KCNT2: variants seen among roughly 807,000 people sequenced by gnomAD.
KCNT2 encodes potassium sodium-activated channel subfamily T member 2.
In KCNT2, 67 loss-of-function variants were observed where a neutral mutation model predicts 153.8. That is an observed-to-expected ratio of 0.44 (90% CI 0.36 to 0.53). KCNT2 has a LOEUF of 0.53. Among genes scored for constraint, KCNT2 ranks in the 20% least tolerant of loss-of-function variants. KCNT2 has a pLI of 0.00. For synonymous variants in KCNT2, 500 were observed against 458.8 expected (o/e 1.09, Z -1.15); for missense variants, 975 against 1,354.8 (o/e 0.72, Z 4.40).
At chr1:196,434,345 G>C (rs575656202) in intron 8 of KCNT2, among the ~76,000 whole-genome samples, 1 of 152,074 alleles carries the variant, frequency 6.6e-6, no homozygotes, top group African/African-American at 2.4e-5. Flanking sequence ...GCTTTTGCTT[G>C]AGTCTGCATT....
At chr1:196,388,816 T>A (rs1207247386) in intron 13 of KCNT2, among the ~76,000 whole-genome samples, 1 of 151,788 alleles carries the variant, frequency 6.6e-6, no homozygotes, top group Non-Finnish European at 1.5e-5. Context: ...AAATGTTCAC[T>A]TAGCCTATTA....
chr1:196,283,897 G>T (rs929388474), intron 23 of KCNT2, among the ~76,000 whole-genome samples: 1 of 151,778 alleles, frequency 6.6e-6, no homozygotes, highest in Non-Finnish European at 1.5e-5. Context: ...CACAAATGCA[G>T]GTATGTATTG....
rs1553287918 is a variant in KCNT2, at chr1:196,333,839, G to GA, written c.1997+7dup. 2 of 1,538,660 alleles carry GA rather than the reference G, an allele frequency of 1.3e-6. No individual in the cohort carries two copies. The highest frequency in any genetic ancestry group is 2.7e-5 in the African/African-American group (2 of 73,506). On this transcript the variant is annotated splice_region_variant and intron_variant, in intron 17 of 27. Coordinates refer to ENST00000294725, the MANE Select transcript of KCNT2 (RefSeq NM_198503.5). Reference sequence around the variant, plus strand: ...AGTAATCTTACACCTTAGAGTATCTGAACATACTCTAAGTTTGAAGACATT... The same window carrying GA: ...AGTAATCTTACACCTTAGAGTATCTGAAACATACTCTAAGTTTGAAGACATT...
At chr1:196,408,203 T>C (rs1671992516) in intron 12 of KCNT2, among the ~76,000 whole-genome samples, 1 of 151,522 alleles carries the variant, frequency 6.6e-6, no homozygotes. Context: ...ACCTTCTATA[T>C]ATACTGTTTT....
intron 22 of KCNT2, among the ~76,000 whole-genome samples, chr1:196,301,828 CTCCTGGATTCAAGCGAT>C (rs1661210391): frequency 6.6e-6 from 1 of 152,146 alleles, no homozygotes; most frequent in East Asian, 1.9e-4. Flanking sequence ...CACCTTCCAC[CTCCTGGATTCAAGCGAT>C]TCTCATGCCT....
At chr1:196,358,812 T>A (rs1191335355) in intron 14 of KCNT2, among the ~76,000 whole-genome samples, 1 of 151,954 alleles carries the variant, frequency 6.6e-6, no homozygotes, top group African/African-American at 2.4e-5. Context: ...ATTTCTCTCA[T>A]CTCATCCTGC....
chr1:196,383,521 G>A (rs186423026), intron 13 of KCNT2, among the ~76,000 whole-genome samples: 1 of 152,160 alleles, frequency 6.6e-6, no homozygotes, highest in East Asian at 1.9e-4. Flanking sequence ...TTGATGAGGT[G>A]GAAGGAGAGT....
intron 12 of KCNT2, among the ~76,000 whole-genome samples, chr1:196,415,106 A>G (rs1232308658): frequency 2.0e-5 from 3 of 151,932 alleles, no homozygotes; most frequent in Non-Finnish European, 4.4e-5. Flanking sequence ...GGCAACTAAA[A>G]GAAATGATCT....
chr1:196,459,907 A>C (rs1233442551), intron 8 of KCNT2, among the ~76,000 whole-genome samples: 1 of 151,822 alleles, frequency 6.6e-6, no homozygotes, highest in African/African-American at 2.4e-5. Context: ...CAAATCAGGG[A>C]AACTGATTTG....
At chr1:196,486,733 C>T (rs1181437089) in intron 3 of KCNT2, among the ~76,000 whole-genome samples, 1 of 151,710 alleles carries the variant, frequency 6.6e-6, no homozygotes, top group African/African-American at 2.4e-5. Flanking sequence ...CTAATATAAG[C>T]TTGTAATGTA....
Position 196,326,802 on chromosome 1 carries a change from C to T in KCNT2, c.2191G>A (p.Gly731Arg). 3 of 1,580,486 alleles carry T rather than the reference C, an allele frequency of 1.9e-6. No homozygotes were observed. Among genetic ancestry groups the T allele is most frequent in the Non-Finnish European group, 2.6e-6 (3 of 1,164,962 alleles). ...AGAGGAACAATAAAGTTATATAATC[C>T]ATTTCCAGCTGTTTCAGCTGCAACT... The part of the protein sequence containing the change: ...IIVAAETAGN[G>R]LYNFIVPLRA... Residue 731 changes from glycine to arginine, a missense_variant, in exon 19 of 28, where the codon GGA (glycine) becomes AGA (arginine). This residue lies in a region of KCNT2 where 325 missense variants were observed against 388.1 expected (regional missense o/e 0.84). Coordinates refer to ENST00000294725, the MANE Select transcript of KCNT2 (RefSeq NM_198503.5).
At chr1:196,265,692 A>G (rs1479814501) in intron 25 of KCNT2, among the ~76,000 whole-genome samples, 1 of 152,080 alleles carries the variant, frequency 6.6e-6, no homozygotes, top group Non-Finnish European at 1.5e-5. Flanking sequence ...TGAGGTTCAC[A>G]CTCCTAAAAG....
chr1:196,319,614 A>T, intron 19 of KCNT2, 59 bp from the exon 20 acceptor site: 1 of 1,084,472 alleles, frequency 9.2e-7, no homozygotes, highest in Non-Finnish European at 1.4e-6. Context: ...CAGCACTTCT[A>T]GGGAAAGGAA....
intron 8 of KCNT2, among the ~76,000 whole-genome samples, chr1:196,449,787 T>C (rs1253587035): frequency 6.6e-6 from 1 of 151,326 alleles, no homozygotes; most frequent in Non-Finnish European, 1.5e-5. Context: ...TTTCAGGAGG[T>C]GGGTAATAGA....
rs1659575478 is a variant in KCNT2, at chr1:196,285,527, T to C, written c.2697+130A>G. ...ATGTCATTAAGTACATGAAATAAAA[T>C]ACTGAATTACTTTTGGAGCCAATTT... On this transcript the variant is annotated intron_variant, in intron 23 of 27. Transcript: ENST00000294725. 5.3e-6 allele frequency: 3 copies of C among 564,888 alleles called. No individual in the cohort carries two copies. The Admixed American group carries it at 1.0e-4, about 19-fold the overall frequency. 35.0% of individuals were successfully genotyped at this position (564,888 alleles called of 1,614,324 possible).
At chr1:196,264,337 T>G (rs1657315400) in intron 25 of KCNT2, among the ~76,000 whole-genome samples, 1 of 152,192 alleles carries the variant, frequency 6.6e-6, no homozygotes. Context: ...ATTCTGGTGA[T>G]GTAATTCATA....
intron 14 of KCNT2, among the ~76,000 whole-genome samples, chr1:196,363,771 T>G (rs2148285304): frequency 6.6e-6 from 1 of 152,260 alleles, no homozygotes; most frequent in Non-Finnish European, 1.5e-5. Context: ...CTTTATAAAT[T>G]ACTCAGTCTC....
chr1:196,379,612 T>C (rs1187228843), intron 13 of KCNT2, among the ~76,000 whole-genome samples: 2 of 151,324 alleles, frequency 1.3e-5, no homozygotes, highest in African/African-American at 4.9e-5. Flanking sequence ...TCTCTCTGTA[T>C]ATATGGAGAG....
chr1:196,397,094 T>C (rs1255025012), intron 13 of KCNT2, among the ~76,000 whole-genome samples: 1 of 151,506 alleles, frequency 6.6e-6, no homozygotes, highest in Non-Finnish European at 1.5e-5. Flanking sequence ...ATAATCTGTA[T>C]GGCCTTTTAG....
Sources: gnomAD v4.1 joint callset for allele counts (sites outside exome capture counted in the v4.1 genomes callset) on GRCh38, gnomAD v4.1.1 for gene constraint, gnomAD v4.1.1 regional missense constraint, MANE v1.5 for transcripts, NCBI Gene and HGNC (gene_info 2026-07-23, HGNC 2026-07-21) for gene names.